RHBDF1: variants seen among roughly 807,000 people sequenced by gnomAD.
RHBDF1 encodes rhomboid 5 homolog 1, also known as inactive rhomboid protein 1.
In RHBDF1, 80 loss-of-function variants were observed where a neutral mutation model predicts 98.6. The ratio of observed to expected loss-of-function variants is 0.81; its 90% confidence interval spans 0.68 to 0.98. RHBDF1 has a LOEUF of 0.98. Among genes scored for constraint, RHBDF1 ranks in the 50% least tolerant of loss-of-function variants. The pLI, the probability that RHBDF1 is intolerant of heterozygous loss-of-function variation, is 0.00. For missense variants in RHBDF1, 1,116 were observed against 1,198.3 expected (o/e 0.93, Z 1.01); for synonymous variants, 512 against 486.8 (o/e 1.05, Z -0.68).
In RHBDF1 at chr16:58,448, G is replaced by T. The variant is rs199643977; in HGVS notation, c.2460C>A (p.Val820=). 3.3e-5 allele frequency: 53 copies of T among 1,614,072 alleles called. No homozygotes were observed. The African/African-American group carries it at 5.2e-4, about 16-fold the overall frequency. The change falls in exon 18 of 18, where the codon GTC becomes GTA. Residue 820 remains valine (V), a synonymous_variant. Coordinates refer to ENST00000262316, the MANE Select transcript of RHBDF1 (RefSeq NM_022450.5). ...VFLGLLAGLV[V]LFYVYPVRCE... ...AGCGGACAGGATAGACGTAGAAGAG[G>T]ACCACCAGGCCAGCCAGGAGGCCCA...
rs1897494688 is a variant in RHBDF1 at position 59,009 on chromosome 16, G to C, written c.2113C>G (p.Leu705Val). 4.3e-6 allele frequency: 7 copies of C among 1,613,270 alleles called. No individual in the cohort carries two copies. The highest frequency in any genetic ancestry group is 4.2e-6 in the Non-Finnish European group (5 of 1,180,022). Residue 705 changes from leucine (L) to valine (V), a missense_variant, in exon 17 of 18, where the codon CTG (leucine) becomes GTG (valine). Physicochemically the swap from Leu to Val is conservative, Grantham distance 32. Coordinates refer to ENST00000262316, the MANE Select transcript of RHBDF1 (RefSeq NM_022450.5). ...IYLLSGVTGNLASAIFLPYRA... is the reference protein window; with the variant it reads ...IYLLSGVTGNVASAIFLPYRA... ...TATGGCAGGAAGATGGCACTGGCCA[G>C]GTTGCCGGTGACACCACTCAGCAGG...
chr16:73,494 A>G (rs1898030247), upstream of RHBDF1, among the ~76,000 whole-genome samples: 1 of 151,776 alleles, frequency 6.6e-6, no homozygotes, highest in South Asian at 2.1e-4. Context: ...TCAAAATGGC[A>G]CTCTGCTTTC....
At chr16:60,132 T>G in intron 13 of RHBDF1, 84 bp downstream of exon 13, 1 of 1,603,360 alleles carries the variant, frequency 6.2e-7, no homozygotes. Context: ...GATGGGAATC[T>G]CTGGTATCAC....
intron 3 of RHBDF1, 84 bp from the exon 4 acceptor site, chr16:63,884 T>C (rs749289613): frequency 2.9e-6 from 2 of 686,104 alleles, no homozygotes; most frequent in African/African-American, 6.0e-5. Flanking sequence ...CGGGGCAGCA[T>C]GCTGCCCCCA....
intron 1 of RHBDF1, among the ~76,000 whole-genome samples, chr16:67,825 C>T (rs907592498): frequency 2.0e-5 from 3 of 152,180 alleles, no homozygotes. Context: ...TCTGGGGTAA[C>T]GGAGGATTCC....
At chr16:69,200 C>T (rs926631222) in intron 1 of RHBDF1, among the ~76,000 whole-genome samples, 1 of 152,152 alleles carries the variant, frequency 6.6e-6, no homozygotes, top group East Asian at 1.9e-4. Flanking sequence ...TAGAGAGAAG[C>T]TCTGGCCAGT....
chr16:74,745 T>G (rs1651245054), upstream of RHBDF1: 2 of 151,962 alleles, frequency 1.3e-5, no homozygotes, highest in Non-Finnish European at 2.9e-5. Context: ...AAATGGCCGG[T>G]TCCTGCCTTA....
At chr16:72,061 G>A (rs911671657) in intron 1 of RHBDF1, among the ~76,000 whole-genome samples, 5 of 152,236 alleles carry the variant, frequency 3.3e-5, no homozygotes, top group Admixed American at 6.5e-5. Flanking sequence ...GCCCTGGGCT[G>A]GAGTTTCAGC....
At chr16:68,725 G>A (rs779279249) in intron 1 of RHBDF1, among the ~76,000 whole-genome samples, 29 of 152,336 alleles carry the variant, frequency 1.9e-4, no homozygotes, top group Non-Finnish European at 3.7e-4. Flanking sequence ...AGCCACTGGC[G>A]CCATGCATGC....
At position 70,011 on chromosome 16, in the gene RHBDF1, A is replaced by AGG. The variant is rs11306273; in HGVS notation, c.-25+2500_-25+2501dup. On this transcript the variant is annotated intron_variant, in intron 1 of 17. Coordinates refer to ENST00000262316, the MANE Select transcript of RHBDF1 (RefSeq NM_022450.5). ...CACAAAGGGGCCAGCACTTGGCAGGAGGGGGGGGGGCACTGCCCCAAGGCT... is the reference window on the plus strand; with the variant it reads ...CACAAAGGGGCCAGCACTTGGCAGGAGGGGGGGGGGGGCACTGCCCCAAGGCT... Among the ~76,000 whole-genome samples, 369 of 79,214 alleles carry AGG rather than the reference A, an allele frequency of 4.7e-3. 2 individuals carry two copies. The highest frequency in any genetic ancestry group is 0.01 in the African/African-American group (349 of 34,408). The allele number at this position is 79,214 out of a possible 152,430, so 52.0% of individuals were successfully genotyped here. A position where few individuals can be genotyped will look rare whatever the true frequency, so the allele number is the denominator to read the frequency against.
At chr16:61,053 T>C (rs1283791708) in intron 11 of RHBDF1, 67 bp downstream of exon 11, 3 of 1,467,292 alleles carry the variant, frequency 2.0e-6, no homozygotes, top group Non-Finnish European at 1.8e-6. Flanking sequence ...CTCTGCCGAG[T>C]CTATCTGAGG....
rs748870858 is a variant in RHBDF1 at position 69,591 on chromosome 16, G to C, written c.-25+2922C>G. Among the ~76,000 whole-genome samples the C allele has an allele frequency of 3.7e-4, 56 of 152,242 alleles. 1 individual carries two copies. The highest frequency in any genetic ancestry group is 3.4e-3 in the Middle Eastern group (1 of 294). Reference sequence around the variant, plus strand: ...CTCAATCCTAGATCTCCCTTGAGAAGGGGGTCACCAGCTGTCTGGCAGCCC... The same window carrying C: ...CTCAATCCTAGATCTCCCTTGAGAACGGGGTCACCAGCTGTCTGGCAGCCC... On this transcript the variant is annotated intron_variant, in intron 1 of 17. Transcript: ENST00000262316.
rs1302318142 is a variant in RHBDF1 at position 61,814 on chromosome 16, C to T, written c.1192G>A (p.Asp398Asn). ...IDSFVKRQIE[D>N]MDDHRPFFTY... ...CACGCCTACCTGTGGTCGTCCATGT[C>T]CTCGATCTGGCGCTTGACGAAGCTG... The change falls in exon 8 of 18, where the codon GAC becomes AAC. Residue 398 changes from aspartate (D) to asparagine (N), a missense_variant. Physicochemically the swap from Asp to Asn is conservative, Grantham distance 23 (BLOSUM62 1). Coordinates refer to ENST00000262316, the MANE Select transcript of RHBDF1 (RefSeq NM_022450.5). 2 of 1,612,962 alleles carry T rather than the reference C, an allele frequency of 1.2e-6. No individual in the cohort carries two copies. The highest frequency in any genetic ancestry group is 1.7e-6 in the Non-Finnish European group (2 of 1,179,784).
rs1897468662 is a variant in RHBDF1, at chr16:58,508, T to C, written c.2400A>G (p.Lys800=). 1.2e-6 allele frequency: 2 copies of C among 1,614,008 alleles called. No individual in the cohort carries two copies. Among genetic ancestry groups the C allele is most frequent in the East Asian group, 2.2e-5 (1 of 44,892 alleles). ...CCTGAAAGATGATGATCTGGCAGCG[T>C]TTCCGGTACAGGTCGAACTTGCCAA... is the stretch of plus-strand genomic sequence containing the variant. ...ISFGKFDLYR[K]RCQIIIFQVV... Residue 800 remains lysine, a synonymous_variant, in exon 18 of 18, where the codon AAA becomes AAG. Transcript: ENST00000262316.
chr16:61,772 A>G, intron 8 of RHBDF1, 26 bp downstream of exon 8: 1 of 1,612,214 alleles, frequency 6.2e-7, no homozygotes, highest in Non-Finnish European at 8.5e-7. Flanking sequence ...CTCCATCCCA[A>G]CCCAGGCCTT....
At position 59,427 on chromosome 16, in the gene RHBDF1, A is replaced by G. The variant is rs776404938; in HGVS notation, c.1885T>C (p.Cys629Arg). 6.2e-7 allele frequency: 1 copy of G among 1,613,838 alleles called. No individual in the cohort carries two copies. Among genetic ancestry groups the G allele is most frequent in the Admixed American group, 1.7e-5 (1 of 60,010 alleles). ...ACACTCTGCAGACCTACCTGAGAGC[A>G]GAGCGTGGCCTCCTCATGGAAGTAG... ...RGYFHEEATL[C>R]SQVHCMDDVC... is the part of the protein sequence containing the mutation. The change falls in exon 15 of 18, where the codon TGC (cysteine) becomes CGC (arginine). Residue 629 changes from cysteine (C) to arginine (R), a missense_variant. Transcript: ENST00000262316.
At position 61,785 on chromosome 16, in the gene RHBDF1, C is replaced by T. The variant is rs185723860; in HGVS notation, c.1208+13G>A. On this transcript the variant is annotated intron_variant, in intron 8 of 17. Transcript: ENST00000262316. Reference sequence around the variant, plus strand: ...GCCTCCATCCCAACCCAGGCCTTGCCTGCCACGCCTACCTGTGGTCGTCCA... The same window carrying T: ...GCCTCCATCCCAACCCAGGCCTTGCTTGCCACGCCTACCTGTGGTCGTCCA... The T allele has an allele frequency of 2.0e-4, 330 of 1,612,506 alleles. 1 individual carries two copies. In the African/African-American group the frequency reaches 3.9e-3, roughly 19 times the overall value.
chr16:72,691 A>C, upstream of RHBDF1: 1 of 980,638 alleles, frequency 1.0e-6, no homozygotes, highest in Non-Finnish European at 1.2e-6. Flanking sequence ...GGTCGCGCTG[A>C]CTCAGAGCTC....
chr16:70,890 C>A lies in RHBDF1; in HGVS notation c.-25+1623G>T, dbSNP rs115157429. ...GGCATCTCAGTTGAAGAAGGAAGGACTCACCCCCAAAATCGTCCAACTCAG... is the reference window on the plus strand; with the variant it reads ...GGCATCTCAGTTGAAGAAGGAAGGAATCACCCCCAAAATCGTCCAACTCAG... On this transcript the variant is annotated intron_variant, in intron 1 of 17. Transcript: ENST00000262316. Among the ~76,000 whole-genome samples, 1,375 of 152,326 alleles carry A rather than the reference C, an allele frequency of 9.0e-3. 24 individuals are homozygous for A. Among genetic ancestry groups the A allele is most frequent in the African/African-American group, 0.031 (1,292 of 41,568 alleles).
Sources: gnomAD v4.1 joint callset for allele counts (sites outside exome capture counted in the v4.1 genomes callset) on GRCh38, gnomAD v4.1.1 for gene constraint, MANE v1.5 for transcripts, NCBI Gene and HGNC (gene_info 2026-07-23, HGNC 2026-07-21) for gene names.